Variants in PNISR observed in about 807,000 individuals in gnomAD.
PNISR encodes arginine/serine-rich protein PNISR.
In PNISR, 20 loss-of-function variants were observed where a neutral mutation model predicts 93.4. The observed-to-expected ratio is 0.21, with a 90% CI of 0.15 to 0.31. The LOEUF (loss-of-function observed/expected upper bound fraction) is 0.31. Ranked by LOEUF, PNISR falls within the 10% of genes least tolerant of loss-of-function variation. The pLI is 1.00. For missense variants in PNISR, 893 were observed against 985.4 expected (o/e 0.91, Z 1.25); for synonymous variants, 305 against 306.5 (o/e 0.99, Z 0.05).
At position 99,422,817 on chromosome 6, in the gene PNISR, T is replaced by C. The variant is rs1778742709; in HGVS notation, c.-112+2398A>G. On this transcript the variant is annotated intron_variant, in intron 1 of 11. Transcript: ENST00000369239. ...TGAACCCGGGAGGCAGGGGTTGCAA[T>C]GAGCCAAGATTGTGCCACCACTGCA... Among the ~76,000 whole-genome samples the C allele has an allele frequency of 5.1e-5, 7 of 137,532 alleles. No homozygotes were observed. In the South Asian group the frequency reaches 1.1e-3, roughly 22 times the overall value. 90.2% of individuals were successfully genotyped at this position (137,532 alleles called of 152,430 possible).
intron 11 of PNISR, among the ~76,000 whole-genome samples, chr6:99,401,834 A>G (rs1009861065): frequency 1.3e-5 from 2 of 152,234 alleles, no homozygotes; most frequent in African/African-American, 4.8e-5. Context: ...TACCAAAAAT[A>G]TTATCATTTC....
intron 1 of PNISR, among the ~76,000 whole-genome samples, chr6:99,419,257 C>T (rs1778224121): frequency 6.7e-6 from 1 of 149,746 alleles, no homozygotes. Context: ...AGCAATTCCA[C>T]CGCAGGGTCC....
At chr6:99,424,953 G>A (rs1299841158) in intron 1 of PNISR, 2 of 323,634 alleles carry the variant, frequency 6.2e-6, no homozygotes, top group Non-Finnish European at 1.1e-5. Context: ...CCAACAATTA[G>A]TCCCTTCTCG....
intron 1 of PNISR, among the ~76,000 whole-genome samples, chr6:99,418,503 AG>A (rs1281662923): frequency 1.1e-4 from 16 of 151,764 alleles, no homozygotes; most frequent in African/African-American, 3.4e-4. Flanking sequence ...CATATTTTCA[AG>A]GGTTTGATTT....
At chr6:99,402,862 C>A in intron 10 of PNISR, 152 bp from the exon 11 acceptor site, 2 of 507,180 alleles carry the variant, frequency 3.9e-6, no homozygotes, top group Non-Finnish European at 3.5e-6. Flanking sequence ...TACATTCAAA[C>A]GCTTAAGGAG....
intron 1 of PNISR, among the ~76,000 whole-genome samples, chr6:99,423,054 A>G (rs72930623): frequency 0.06 from 9,054 of 152,008 alleles, 359 homozygotes; most frequent in South Asian, 0.13. Context: ...GGAATCAGAG[A>G]TCTTTAAAGA....
chr6:99,416,213 G>A (rs1777674069), intron 2 of PNISR, 136 bp downstream of exon 2: 1 of 390,938 alleles, frequency 2.6e-6, no homozygotes. Flanking sequence ...AGTTTCCCAA[G>A]TACGCCTTTA....
At chr6:99,417,070 G>A (rs919866575) in intron 1 of PNISR, among the ~76,000 whole-genome samples, 4 of 152,180 alleles carry the variant, frequency 2.6e-5, no homozygotes, top group Non-Finnish European at 5.9e-5. Flanking sequence ...GAACCAAAAA[G>A]CTTGCTGTGC....
At chr6:99,417,887 G>C (rs1478051506) in intron 1 of PNISR, among the ~76,000 whole-genome samples, 1 of 146,612 alleles carries the variant, frequency 6.8e-6, no homozygotes, top group Non-Finnish European at 1.5e-5. Context: ...AGAATTGCTT[G>C]AATCTGGGAG....
chr6:99,418,523 T>C (rs1231380834), intron 1 of PNISR, among the ~76,000 whole-genome samples: 1 of 152,154 alleles, frequency 6.6e-6, no homozygotes, highest in Non-Finnish European at 1.5e-5. Flanking sequence ...TTGTATCACC[T>C]ATGATCATTT....
chr6:99,411,104 T>C (rs1776855272), intron 4 of PNISR, 140 bp from the exon 5 acceptor site: 5 of 640,340 alleles, frequency 7.8e-6, no homozygotes, highest in Non-Finnish European at 1.4e-5. Context: ...AAATTCCTTT[T>C]GTTTATCTTA....
intron 1 of PNISR, among the ~76,000 whole-genome samples, chr6:99,417,545 A>C (rs573468651): frequency 5.9e-5 from 9 of 152,354 alleles, no homozygotes; most frequent in African/African-American, 2.2e-4. Context: ...GTGAGGATTA[A>C]ATAAGAAACA....
chr6:99,409,385 C>T (rs1477187225), intron 5 of PNISR, 41 bp from the exon 6 acceptor site: 1 of 1,576,650 alleles, frequency 6.3e-7, no homozygotes. Context: ...CAAATTAATA[C>T]AATATACTCT....
chr6:99,423,850 T>C (rs552912376), intron 1 of PNISR, among the ~76,000 whole-genome samples: 1 of 152,288 alleles, frequency 6.6e-6, no homozygotes, highest in East Asian at 1.9e-4. Flanking sequence ...ATGGGGTTGA[T>C]TTCATTCTAA....
intron 3 of PNISR, 71 bp from the exon 4 acceptor site, chr6:99,412,810 T>C (rs2128488228): frequency 2.2e-6 from 2 of 925,934 alleles, no homozygotes; most frequent in South Asian, 2.2e-5. Flanking sequence ...CTATGTAAAA[T>C]AAGCAGCTCA....
chr6:99,413,472 C>A (rs1777251636), intron 3 of PNISR, among the ~76,000 whole-genome samples: 1 of 151,862 alleles, frequency 6.6e-6, no homozygotes, highest in African/African-American at 2.4e-5. Context: ...CATGTAGAGT[C>A]TGGGTTATGA....
At chr6:99,409,015 T>C (rs1479050368) in intron 6 of PNISR, among the ~76,000 whole-genome samples, 158 bp downstream of exon 6, 3 of 152,242 alleles carry the variant, frequency 2.0e-5, no homozygotes, top group Non-Finnish European at 4.4e-5. Context: ...CAGACCAGTA[T>C]CATTTTTGTA....
chr6:99,411,555 A>C (rs568981305), intron 4 of PNISR, among the ~76,000 whole-genome samples: 1 of 152,258 alleles, frequency 6.6e-6, no homozygotes, highest in South Asian at 2.1e-4. Flanking sequence ...GAAATGAACC[A>C]CCTCACAGTA....
chr6:99,407,436 T>G (rs1776306498), intron 7 of PNISR, among the ~76,000 whole-genome samples: 1 of 152,082 alleles, frequency 6.6e-6, no homozygotes, highest in South Asian at 2.1e-4. Flanking sequence ...TTTGCATAGA[T>G]CTTTTGGGAA....
Sources: allele counts gnomAD v4.1 joint callset (sites outside exome capture counted in the v4.1 genomes callset), GRCh38; gene constraint gnomAD v4.1.1; transcripts MANE v1.5; gene names NCBI Gene and HGNC (gene_info 2026-07-23, HGNC 2026-07-21).